NTRK1: variants seen among roughly 807,000 people sequenced by gnomAD.
NTRK1 encodes the protein neurotrophic receptor tyrosine kinase 1.
NTRK1 carries 62 observed loss-of-function variants against 86.8 expected under a neutral mutation model. The ratio of observed to expected loss-of-function variants is 0.71; its 90% CI spans 0.58 to 0.88. The LOEUF (loss-of-function observed/expected upper bound fraction) is 0.88. Among genes scored for constraint, NTRK1 ranks in the 40% least tolerant of loss-of-function variants. NTRK1 has a pLI of 0.00. For synonymous variants in NTRK1, 469 were observed against 456.6 expected (o/e 1.03, Z -0.35); for missense variants, 967 against 1,078.4 (o/e 0.90, Z 1.45).
intron 1 of NTRK1, among the ~76,000 whole-genome samples, chr1:156,833,227 A>G (rs1218249340): frequency 6.6e-6 from 1 of 152,246 alleles, no homozygotes; most frequent in Non-Finnish European, 1.5e-5. Flanking sequence ...AAATGTCAGC[A>G]ATAGTGTGAG....
chr1:156,850,044 A>G (rs1655147088), intron 2 of NTRK1, among the ~76,000 whole-genome samples: 1 of 151,980 alleles, frequency 6.6e-6, no homozygotes, highest in African/African-American at 2.4e-5. Flanking sequence ...CTGAGACTAC[A>G]GGCATGCACC....
upstream of NTRK1, chr1:156,858,782 GAAA>G (rs1329370791): frequency 3.2e-6 from 2 of 624,532 alleles, no homozygotes; most frequent in African/African-American, 1.8e-5. Context: ...GCAGGAGACA[GAAA>G]AAAAGAAATG....
chr1:156,848,100 ACT>A (rs1419915705), intron 2 of NTRK1, among the ~76,000 whole-genome samples: 1 of 151,124 alleles, frequency 6.6e-6, no homozygotes, highest in East Asian at 1.9e-4. Context: ...TATTTAACAA[ACT>A]CTCCAGCTGC....
chr1:156,830,713 T>C (rs1327287949), intron 1 of NTRK1, among the ~76,000 whole-genome samples: 1 of 152,076 alleles, frequency 6.6e-6, no homozygotes, highest in South Asian at 2.1e-4. Flanking sequence ...AACCACCACG[T>C]CTGGCCAATT....
intron 2 of NTRK1, chr1:156,843,548 G>A: frequency 6.8e-7 from 1 of 1,477,992 alleles, no homozygotes; most frequent in South Asian, 1.1e-5. Flanking sequence ...TCAGAAGAAG[G>A]AAGAAGGACA....
chr1:156,849,063 G>C (rs1558088387), intron 2 of NTRK1: 3 of 1,609,596 alleles, frequency 1.9e-6, no homozygotes, highest in East Asian at 4.5e-5. Flanking sequence ...TGGGGCGAGG[G>C]GCCTGCTCGC....
chr1:156,829,034 T>C (rs1302988652), intron 1 of NTRK1, among the ~76,000 whole-genome samples: 1 of 152,216 alleles, frequency 6.6e-6, no homozygotes, highest in African/African-American at 2.4e-5. Context: ...CCTGGGGACA[T>C]AGCAGCAAAC....
intron 1 of NTRK1, among the ~76,000 whole-genome samples, chr1:156,827,151 C>T (rs1301237172): frequency 2.7e-5 from 4 of 147,236 alleles, no homozygotes; most frequent in Non-Finnish European, 5.9e-5. Flanking sequence ...GGCACAATCA[C>T]ATTTCACTGT....
chr1:156,868,442 TAG>T (rs1209729509), intron 5 of NTRK1, 61 bp from the exon 6 acceptor site: 11 of 1,548,236 alleles, frequency 7.1e-6, no homozygotes, highest in Non-Finnish European at 9.6e-6. Context: ...AGCCCCGCAG[TAG>T]AGTTCTGGGG....
chr1:156,874,804 C>G (rs2102911346), intron 10 of NTRK1, 102 bp from the exon 11 acceptor site: 1 of 1,191,558 alleles, frequency 8.4e-7, no homozygotes, highest in Non-Finnish European at 1.3e-6. Context: ...GTCTGGAGAC[C>G]TGGCTCCGGG....
intron 1 of NTRK1, among the ~76,000 whole-genome samples, chr1:156,823,788 A>G (rs377338388): frequency 2.6e-5 from 4 of 152,184 alleles, no homozygotes; most frequent in African/African-American, 9.7e-5. Flanking sequence ...CAAGTCCACT[A>G]TGTTGATCAG....
rs766326227 is a variant in NTRK1, at chr1:156,844,505, A to G, written c.50+2312A>G. On this transcript the variant is annotated intron_variant, in intron 2 of 16. Coordinates refer to the NTRK1 transcript ENST00000392302. ...AGGCAACACTGTCTGTCCAAGAGCC[A>G]TTGCCAGCCAGTGAGGTTGCCCTAA... 4 of 1,614,140 alleles carry G rather than the reference A, an allele frequency of 2.5e-6. No individual in the cohort carries two copies. The South Asian group carries it at 3.3e-5, about 13-fold the overall frequency.
At chr1:156,824,417 G>T (rs1478279239) in intron 1 of NTRK1, among the ~76,000 whole-genome samples, 2 of 152,216 alleles carry the variant, frequency 1.3e-5, no homozygotes, top group African/African-American at 4.8e-5. Context: ...TGAAGAAGCA[G>T]TAAAATAGAG....
In NTRK1 at chr1:156,860,866, G is replaced by A. The variant is rs1435311575; in HGVS notation, c.-69G>A. ...ACACCGCCCAGCGCACATGTCGGGG[G>A]AGGCCTGGCAGCTGCAGCTGGGAGC... On this transcript the variant is annotated 5_prime_UTR_variant, in exon 1 of 17. Coordinates refer to ENST00000524377, the MANE Select transcript of NTRK1 (RefSeq NM_002529.4). 2.9e-6 allele frequency: 4 copies of A among 1,384,604 alleles called. No individual in the cohort carries two copies. In the African/African-American group the frequency reaches 6.1e-5, roughly 21 times the overall value. The allele number at this position is 1,384,604 out of a possible 1,614,324, so 85.8% of individuals were successfully genotyped here.
At chr1:156,829,921 G>C (rs1033502445) in intron 1 of NTRK1, among the ~76,000 whole-genome samples, 17 of 152,208 alleles carry the variant, frequency 1.1e-4, no homozygotes, top group Non-Finnish European at 2.2e-4. Context: ...CCAAAGTGCT[G>C]GGATTACAGG....
chr1:156,835,146 C>G (rs969697346), intron 1 of NTRK1, among the ~76,000 whole-genome samples: 29 of 152,056 alleles, frequency 1.9e-4, no homozygotes, highest in African/African-American at 7.0e-4. Context: ...TTGGGGTAAG[C>G]CTAGGGTTGC....
chr1:156,842,571 T>A, intron 2 of NTRK1: 1 of 1,215,352 alleles, frequency 8.2e-7, no homozygotes, highest in Non-Finnish European at 1.2e-6. Context: ...GCCAAAATTC[T>A]GATCTGCTAT....
chr1:156,853,086 T>C (rs1187931108), intron 2 of NTRK1, among the ~76,000 whole-genome samples: 1 of 152,170 alleles, frequency 6.6e-6, no homozygotes, highest in Admixed American at 6.5e-5. Flanking sequence ...CTTTCTCTAC[T>C]GCTTTTTTCC....
At position 156,860,942 on chromosome 1, in the gene NTRK1, G is replaced by C. The variant is rs1655612857; in HGVS notation, c.8G>C (p.Arg3Pro). Residue 3 changes from arginine (R) to proline (P), a missense_variant, in exon 1 of 17, where the codon CGA (arginine) becomes CCA (proline). By Grantham distance (103) the Arg-to-Pro change is moderately radical (BLOSUM62 -2). Around this residue, in one of 2 missense-constraint regions of NTRK1, gnomAD observed 330 missense variants for 302.0 expected, o/e 1.09. Coordinates refer to ENST00000524377, the MANE Select transcript of NTRK1 (RefSeq NM_002529.4). ...GAGGCGGGCGCCGCCGCGATGCTGC[G>C]AGGCGGACGGCGCGGGCAGCTTGGC... ML[R>P]GGRRGQLGWH... 1 of 1,490,630 alleles carries C rather than the reference G, an allele frequency of 6.7e-7. No homozygotes were observed. The highest frequency in any genetic ancestry group is 8.9e-7 in the Non-Finnish European group (1 of 1,128,838). 92.3% of individuals were successfully genotyped at this position (1,490,630 alleles called of 1,614,324 possible).
Sources: gnomAD v4.1 joint callset for allele counts (sites outside exome capture counted in the v4.1 genomes callset) on GRCh38, gnomAD v4.1.1 for gene constraint, gnomAD v4.1.1 regional missense constraint, MANE v1.5 for transcripts, NCBI Gene and HGNC (gene_info 2026-07-23, HGNC 2026-07-21) for gene names.